Variants in NKX2-2 observed in about 807,000 individuals in gnomAD.
NKX2-2 encodes NK2 homeobox 2.
In NKX2-2, 8 loss-of-function variants were observed where a neutral mutation model predicts 24.6. That is an observed-to-expected ratio of 0.32 (90% CI 0.19 to 0.59). The LOEUF is 0.59. Ranked by LOEUF, NKX2-2 falls within the 20% of genes least tolerant of loss-of-function variation. NKX2-2 has a pLI of 0.86. For missense variants in NKX2-2, 381 were observed against 373.9 expected (o/e 1.02, Z -0.16); for synonymous variants, 217 against 173.3 (o/e 1.25, Z -1.98).
Position 21,512,340 on chromosome 20 carries a change from G to A in NKX2-2, c.405C>T (p.Phe135=). ...CCAGCTCGTAGGTCTGCGCCTTGGA[G>A]AAAAGCACTCGCCGCTTTCGCTTCT... The part of the protein sequence containing the change: ...AGKKRKRRVL[F]SKAQTYELER... The change falls in exon 2 of 2, where the codon TTC becomes TTT. Residue 135 remains phenylalanine, a synonymous_variant. Transcript: ENST00000377142. The A allele has an allele frequency of 6.2e-7, 1 of 1,612,650 alleles. No homozygotes were observed. The highest frequency in any genetic ancestry group is 1.1e-5 in the South Asian group (1 of 90,952).
rs1980536909 is a variant in NKX2-2, at chr20:21,513,911, C to A, written c.-242G>T. ...TCTCTCTGTCTTCTTTGAAAGCACG[C>A]GGAAATGGACGCAGGAAGCCGGGCG... is the stretch of plus-strand genomic sequence containing the variant. On this transcript the variant is annotated 5_prime_UTR_variant, in exon 1 of 2. Transcript: ENST00000377142. This position sits in a 1 kb window ranked among gnomAD's most constrained non-coding sequence, Gnocchi z 4.6. 1 of 311,248 alleles carries A rather than the reference C, an allele frequency of 3.2e-6. No homozygotes were observed. Among genetic ancestry groups the A allele is most frequent in the Non-Finnish European group, 5.8e-6 (1 of 172,190 alleles). The allele number at this position is 311,248 out of a possible 1,614,324, so 19.3% of individuals were successfully genotyped here.
Position 21,512,874 on chromosome 20 carries a change from C to G in NKX2-2, c.260-389G>C, listed in dbSNP as rs920987912. 4.6e-5 allele frequency among the ~76,000 whole-genome samples: 7 copies of G among 152,306 alleles called. No individual in the cohort carries two copies. In the South Asian group the frequency reaches 1.5e-3, roughly 32 times the overall value. ...CCCACAATCCCAGCATTGATCGGCT[C>G]GGCCATTTAAGGCAGGTTTTTGGGG... is the stretch of plus-strand genomic sequence containing the variant. On this transcript the variant is annotated intron_variant, in intron 1 of 1. Coordinates refer to ENST00000377142, the MANE Select transcript of NKX2-2 (RefSeq NM_002509.4).
upstream of NKX2-2, among the ~76,000 whole-genome samples, chr20:21,515,349 C>T (rs1456383761): frequency 6.6e-6 from 1 of 152,114 alleles, no homozygotes; most frequent in Non-Finnish European, 1.5e-5. Flanking sequence ...GGTGGCCCGA[C>T]GATGCCTCGT....
chr20:21,521,754 C>A, the NKX2-2 span, among the ~76,000 whole-genome samples: 1 of 152,194 alleles, frequency 6.6e-6, no homozygotes, highest in African/African-American at 2.4e-5. Flanking sequence ...CCAGCCGAGG[C>A]GCAACCGGCC....
At chr20:21,515,596 TTG>T (rs1491390391), upstream of NKX2-2, among the ~76,000 whole-genome samples, 22 of 140,030 alleles carry the variant, frequency 1.6e-4, no homozygotes, top group Admixed American at 2.8e-4. Context: ...TAAAACTTTT[TTG>T]GGGGGGGGGT....
chr20:21,513,046 TG>T lies in NKX2-2; in HGVS notation c.259+364del, dbSNP rs560185557. Among the ~76,000 whole-genome samples the T allele has an allele frequency of 7.9e-5, 12 of 152,280 alleles. No individual in the cohort carries two copies. In the South Asian group the frequency reaches 2.5e-3, roughly 32 times the overall value. ...CCACCCGTACCCGGACGAGGCTCGC[TG>T]GCTACCTCCAGGGCGCCAGGCCAGT... On this transcript the variant is annotated intron_variant, in intron 1 of 1. Transcript: ENST00000377142. This position sits in a 1 kb window ranked among gnomAD's most constrained non-coding sequence, Gnocchi z 4.6.
upstream of NKX2-2, among the ~76,000 whole-genome samples, chr20:21,514,997 C>T (rs1331355402): frequency 6.6e-6 from 1 of 152,044 alleles, no homozygotes; most frequent in Non-Finnish European, 1.5e-5. Context: ...CCGCCTCCAC[C>T]TCTCTGCGGC....
rs1289771169 is a variant in NKX2-2 at position 21,511,677 on chromosome 20, A to G, written c.*246T>C. The G allele has an allele frequency of 2.4e-5, 9 of 379,000 alleles. No individual in the cohort carries two copies. Among genetic ancestry groups the G allele is most frequent in the South Asian group, 1.2e-4 (1 of 8,082 alleles). 23.5% of individuals were successfully genotyped at this position (379,000 alleles called of 1,614,324 possible). ...CGCAAACATTCTGTAAACACGGCGT[A>G]GAGTTCAGCCCTCTCCCAAGGTTCA... On this transcript the variant is annotated 3_prime_UTR_variant, in exon 2 of 2. Transcript: ENST00000377142.
At chr20:21,512,728 A>G (rs1281841932) in intron 1 of NKX2-2, among the ~76,000 whole-genome samples, 1 of 151,892 alleles carries the variant, frequency 6.6e-6, no homozygotes, top group East Asian at 1.9e-4. Context: ...AGGGGCTCAC[A>G]TAGTGTGGGT....
upstream of NKX2-2, among the ~76,000 whole-genome samples, chr20:21,516,610 C>T (rs2122549463): frequency 6.6e-6 from 1 of 152,210 alleles, no homozygotes; most frequent in Non-Finnish European, 1.5e-5. Flanking sequence ...AAAAAAGTTC[C>T]TCAACCCAAG....
chr20:21,521,556 C>T, the NKX2-2 span, among the ~76,000 whole-genome samples: 3 of 152,236 alleles, frequency 2.0e-5, no homozygotes, highest in Non-Finnish European at 2.9e-5. Context: ...TGCTCATCAC[C>T]ACCGTCCCCT....
At chr20:21,515,684 G>A (rs923430627), upstream of NKX2-2, among the ~76,000 whole-genome samples, 2 of 152,052 alleles carry the variant, frequency 1.3e-5, no homozygotes, top group Non-Finnish European at 2.9e-5. Context: ...CTGGGGGCGG[G>A]GAGGGGCACA....
Position 21,512,371 on chromosome 20 carries a change from G to A in NKX2-2, c.374C>T (p.Ala125Val), listed in dbSNP as rs1305296443. 1 of 1,606,628 alleles carries A rather than the reference G, an allele frequency of 6.2e-7. No individual in the cohort carries two copies. Among genetic ancestry groups the A allele is most frequent in the South Asian group, 1.1e-5 (1 of 90,092 alleles). ...DKETPGGGGD[A>V]GKKRKRRVLF... is the part of the protein sequence containing the mutation. ...CACTCGCCGCTTTCGCTTCTTGCCG[G>A]CGTCCCCCCCGCCGCCCGGGGTCTC... Residue 125 changes from alanine to valine, a missense_variant, in exon 2 of 2, where the codon GCC (alanine) becomes GTC (valine). By Grantham distance (64) the Ala-to-Val change is moderately conservative. This residue lies in a region of NKX2-2 where 206 missense variants were observed against 173.1 expected (regional missense o/e 1.19). Coordinates refer to ENST00000377142, the MANE Select transcript of NKX2-2 (RefSeq NM_002509.4).
the NKX2-2 span, among the ~76,000 whole-genome samples, chr20:21,521,084 G>C: frequency 6.6e-6 from 1 of 152,062 alleles, no homozygotes; most frequent in Non-Finnish European, 1.5e-5. Context: ...CTCTTAGCTG[G>C]AGCTAAGGGC....
At chr20:21,521,892 C>G in the NKX2-2 span, among the ~76,000 whole-genome samples, 1 of 152,194 alleles carries the variant, frequency 6.6e-6, no homozygotes, top group African/African-American at 2.4e-5. Context: ...CTACCCGGAC[C>G]CCCCTCGCTC....
At chr20:21,514,391 G>C (rs1980560020), upstream of NKX2-2, among the ~76,000 whole-genome samples, 1 of 151,952 alleles carries the variant, frequency 6.6e-6, no homozygotes, top group African/African-American at 2.4e-5. Context: ...TTGCAAAGAC[G>C]GGGCGAGCCT....
upstream of NKX2-2, among the ~76,000 whole-genome samples, chr20:21,516,027 G>A (rs1346135794): frequency 1.3e-5 from 2 of 152,236 alleles, no homozygotes; most frequent in Admixed American, 6.5e-5. Flanking sequence ...GACAATGAGC[G>A]AAATGTAGAC....
upstream of NKX2-2, among the ~76,000 whole-genome samples, chr20:21,517,118 T>A (rs1313200352): frequency 6.6e-6 from 1 of 152,162 alleles, no homozygotes; most frequent in Non-Finnish European, 1.5e-5. Flanking sequence ...AAGGAGGCCC[T>A]CAGCCCAGTT....
the NKX2-2 span, among the ~76,000 whole-genome samples, chr20:21,522,194 G>A: frequency 6.6e-6 from 1 of 152,242 alleles, no homozygotes; most frequent in Non-Finnish European, 1.5e-5. Context: ...GAGAACTTCG[G>A]AGGCCCGCAC....
Sources: allele counts gnomAD v4.1 joint callset (sites outside exome capture counted in the v4.1 genomes callset), GRCh38; gene constraint gnomAD v4.1.1; regional missense constraint gnomAD v4.1.1; non-coding constraint Gnocchi (gnomAD v3.1); transcripts MANE v1.5; gene names NCBI Gene and HGNC (gene_info 2026-07-23, HGNC 2026-07-21).